Variants in CYP11A1 observed in about 807,000 individuals in gnomAD.
The protein encoded by CYP11A1 is cytochrome P450 family 11 subfamily A member 1.
Under a neutral mutation model 51.9 loss-of-function variants are expected in CYP11A1, and 25 were observed. The observed-to-expected ratio is 0.48, with a 90% CI of 0.35 to 0.67. The LOEUF (loss-of-function observed/expected upper bound fraction) is 0.67, where lower values mean the gene tolerates loss of function less well. Ranked by LOEUF, CYP11A1 falls within the 30% of genes least tolerant of loss-of-function variation. The pLI, the probability that CYP11A1 is intolerant of heterozygous loss-of-function variation, is 0.00. For missense variants in CYP11A1, 578 were observed against 680.9 expected (o/e 0.85, Z 1.68); for synonymous variants, 245 against 262.1 (o/e 0.93, Z 0.63).
At chr15:74,361,727 A>T in intron 1 of CYP11A1, 2 of 1,264,292 alleles carry the variant, frequency 1.6e-6, no homozygotes, top group Non-Finnish European at 2.3e-6. Flanking sequence ...TTATTCCAGG[A>T]TTTATGTGTC....
intron 1 of CYP11A1, among the ~76,000 whole-genome samples, chr15:74,349,834 C>A (rs1416586325): frequency 6.6e-6 from 1 of 152,088 alleles, no homozygotes; most frequent in Non-Finnish European, 1.5e-5. Context: ...AATCCCAGTA[C>A]TTTGGGAGGC....
chr15:74,365,484 G>T, intron 1 of CYP11A1: 1 of 175,666 alleles, frequency 5.7e-6, no homozygotes, highest in Non-Finnish European at 1.1e-5. Context: ...TGACCATGGG[G>T]ACAACAAACT....
chr15:74,340,327 G>C (rs768939066), intron 5 of CYP11A1, among the ~76,000 whole-genome samples: 1 of 152,162 alleles, frequency 6.6e-6, no homozygotes, highest in South Asian at 2.1e-4. Flanking sequence ...TAATCTCAAC[G>C]TAAGCCAGAG....
At chr15:74,362,790 T>G (rs2060714879) in intron 1 of CYP11A1, 1 of 152,172 alleles carries the variant, frequency 6.6e-6, no homozygotes, top group Admixed American at 6.5e-5. Context: ...GGAAAAGGGG[T>G]CTGTTATGTG....
chr15:74,342,812 C>T (rs2060613145), intron 5 of CYP11A1, among the ~76,000 whole-genome samples, 165 bp downstream of exon 5: 1 of 152,192 alleles, frequency 6.6e-6, no homozygotes, highest in African/African-American at 2.4e-5. Context: ...TTTGACCCCA[C>T]CATCTTAGGA....
At chr15:74,366,511 G>A (rs2060734440) in intron 1 of CYP11A1, among the ~76,000 whole-genome samples, 1 of 141,154 alleles carries the variant, frequency 7.1e-6, no homozygotes, top group Admixed American at 7.2e-5. Flanking sequence ...GTAGAGACAG[G>A]GTTTCACCAT....
chr15:74,338,849 G>A (rs2060592260), intron 7 of CYP11A1, 81 bp from the exon 8 acceptor site: 1 of 1,293,692 alleles, frequency 7.7e-7, no homozygotes, highest in South Asian at 1.2e-5. Context: ...CTAGTCCCCT[G>A]CCCTCTCACC....
chr15:74,359,087 T>G (rs2141244356), intron 1 of CYP11A1, among the ~76,000 whole-genome samples: 1 of 152,348 alleles, frequency 6.6e-6, no homozygotes, highest in East Asian at 1.9e-4. Flanking sequence ...CCTTCTCTTA[T>G]TCAGACCTTG....
chr15:74,350,692 C>T (rs1348033655), intron 1 of CYP11A1: 1 of 152,280 alleles, frequency 6.6e-6, no homozygotes, highest in Non-Finnish European at 1.5e-5. Context: ...TTACATAAGG[C>T]ATATGGAATT....
At chr15:74,354,775 T>C (rs1423832275) in intron 1 of CYP11A1, 1 of 152,276 alleles carries the variant, frequency 6.6e-6, no homozygotes, top group Non-Finnish European at 1.5e-5. Context: ...TCTTTCAATC[T>C]CTCCCTTCCC....
intron 1 of CYP11A1, chr15:74,365,919 C>A: frequency 1.0e-6 from 1 of 985,666 alleles, no homozygotes; most frequent in South Asian, 4.5e-5. Context: ...CGTAACACCT[C>A]AAAGCGCACG....
chr15:74,362,045 T>C (rs1428797987), intron 1 of CYP11A1: 9 of 1,498,894 alleles, frequency 6.0e-6, no homozygotes, highest in Non-Finnish European at 8.3e-6. Flanking sequence ...ACAACTCTAA[T>C]AAGTTTGACT....
In CYP11A1 at chr15:74,339,715, T is replaced by A; in HGVS notation, c.1029A>T (p.Ala343=). The A allele has an allele frequency of 6.2e-7, 1 of 1,614,118 alleles. No individual in the cohort carries two copies. The highest frequency in any genetic ancestry group is 1.1e-5 in the South Asian group (1 of 91,082). Residue 343 remains alanine, a synonymous_variant, in exon 6 of 9, where the codon GCA becomes GCT. Transcript: ENST00000268053. ...GCATATCCTGCACCTTCAGGTTGCGTGCCATCTCATACAAGTGCCACTGCA... is the reference window on the plus strand; with the variant it reads ...GCATATCCTGCACCTTCAGGTTGCGAGCCATCTCATACAAGTGCCACTGCA... ...MTLQWHLYEM[A]RNLKVQDMLR... is the part of the protein sequence containing the mutation.
chr15:74,344,418 G>A lies in CYP11A1; in HGVS notation c.626-426C>T, dbSNP rs148820546. 2.6e-5 allele frequency among the ~76,000 whole-genome samples: 4 copies of A among 152,322 alleles called. No individual in the cohort carries two copies. In the East Asian group the frequency reaches 7.7e-4, roughly 29 times the overall value. On this transcript the variant is annotated intron_variant, in intron 3 of 8. Coordinates refer to ENST00000268053, the MANE Select transcript of CYP11A1 (RefSeq NM_000781.3). The stretch of plus-strand genomic sequence containing the variant: ...TGGATAATTAACCATCCAGGACCTA[G>A]TCTTGCTGGACCTAAGAAGTTACAA...
At chr15:74,355,555 G>T (rs1156610773) in intron 1 of CYP11A1, among the ~76,000 whole-genome samples, 1 of 151,886 alleles carries the variant, frequency 6.6e-6, no homozygotes, top group Non-Finnish European at 1.5e-5. Flanking sequence ...CTCATCCCCA[G>T]ACTGCTCCTC....
intron 1 of CYP11A1, chr15:74,363,342 C>G (rs1185960124): frequency 6.6e-6 from 1 of 152,284 alleles, no homozygotes; most frequent in Non-Finnish European, 1.5e-5. Flanking sequence ...TCAAGCAATC[C>G]TCCTGCCTTG....
At chr15:74,338,183 G>A (rs2060588150) in intron 8 of CYP11A1, 80 bp from the exon 9 acceptor site, 4 of 1,531,854 alleles carry the variant, frequency 2.6e-6, no homozygotes, top group African/African-American at 2.7e-5. Flanking sequence ...CCCATAGGCA[G>A]TGCCTGTGGA....
At chr15:74,363,887 G>T (rs1041523378) in intron 1 of CYP11A1, 2 of 152,144 alleles carry the variant, frequency 1.3e-5, no homozygotes, top group Non-Finnish European at 1.5e-5. Context: ...ATTCTGGGAG[G>T]CCGTTGTTTT....
intron 1 of CYP11A1, among the ~76,000 whole-genome samples, chr15:74,354,166 T>C (rs1216704484): frequency 6.6e-6 from 1 of 152,238 alleles, no homozygotes; most frequent in Non-Finnish European, 1.5e-5. Context: ...GAGCCCAAGC[T>C]AAGCCGTCAT....
Sources: gnomAD v4.1 joint callset for allele counts (sites outside exome capture counted in the v4.1 genomes callset) on GRCh38, gnomAD v4.1.1 for gene constraint, MANE v1.5 for transcripts, NCBI Gene and HGNC (gene_info 2026-07-23, HGNC 2026-07-21) for gene names.